EPHA6: variants seen among roughly 807,000 people sequenced by gnomAD.
The protein encoded by EPHA6 is ephrin type-A receptor 6.
Under a neutral mutation model 112.0 loss-of-function variants are expected in EPHA6, and 50 were observed. The observed-to-expected ratio is 0.45, with a 90% confidence interval of 0.36 to 0.56. The LOEUF is 0.56. Ranked by LOEUF, EPHA6 falls within the 20% of genes least tolerant of loss-of-function variation. EPHA6 has a pLI of 0.00. For missense variants in EPHA6, 1,280 were observed against 1,417.4 expected (o/e 0.90, Z 1.56); for synonymous variants, 529 against 490.7 (o/e 1.08, Z -1.03).
chr3:97,117,767 G>C (rs948618213), intron 3 of EPHA6, among the ~76,000 whole-genome samples: 1 of 151,760 alleles, frequency 6.6e-6, no homozygotes, highest in Non-Finnish European at 1.5e-5. Context: ...GCAAGCAACT[G>C]TGCATCTAAA....
intron 3 of EPHA6, among the ~76,000 whole-genome samples, chr3:97,074,466 A>G (rs1219494736): frequency 6.6e-6 from 1 of 151,940 alleles, no homozygotes; most frequent in Non-Finnish European, 1.5e-5. Context: ...TAATCTGTTC[A>G]TTTTAAAATG....
chr3:97,693,396 T>C (rs1303832393), intron 14 of EPHA6, among the ~76,000 whole-genome samples: 1 of 152,258 alleles, frequency 6.6e-6, no homozygotes, highest in Non-Finnish European at 1.5e-5. Context: ...TCATATTTAG[T>C]CTTCTTCTGA....
At chr3:97,506,680 C>T (rs1378019600) in intron 10 of EPHA6, among the ~76,000 whole-genome samples, 1 of 150,082 alleles carries the variant, frequency 6.7e-6, no homozygotes. Context: ...TTTTTAATTC[C>T]ACGTAGTTGT....
chr3:97,169,131 G>A (rs879847613), intron 3 of EPHA6, among the ~76,000 whole-genome samples: 11 of 152,120 alleles, frequency 7.2e-5, no homozygotes, highest in South Asian at 2.1e-4. Flanking sequence ...TTCCTTCAGC[G>A]TTGAAAGAGG....
At chr3:97,679,445 G>A (rs974692252) in intron 14 of EPHA6, among the ~76,000 whole-genome samples, 2 of 152,100 alleles carry the variant, frequency 1.3e-5, no homozygotes, top group Non-Finnish European at 2.9e-5. Flanking sequence ...AGTACATTCT[G>A]TGGTACTGCT....
chr3:97,463,766 T>C (rs1444890184), intron 7 of EPHA6, among the ~76,000 whole-genome samples: 1 of 152,186 alleles, frequency 6.6e-6, no homozygotes, highest in African/African-American at 2.4e-5. Flanking sequence ...ATTCATTCCA[T>C]GCACACAGAC....
chr3:97,147,779 G>C (rs2076078830), intron 3 of EPHA6, among the ~76,000 whole-genome samples: 1 of 151,976 alleles, frequency 6.6e-6, no homozygotes, highest in Non-Finnish European at 1.5e-5. Flanking sequence ...AAAAATCAAG[G>C]AAAGACAGTA....
intron 4 of EPHA6, among the ~76,000 whole-genome samples, chr3:97,235,380 G>C (rs1361083740): frequency 6.6e-6 from 1 of 152,022 alleles, no homozygotes; most frequent in African/African-American, 2.4e-5. Flanking sequence ...TCTGTGTCCT[G>C]ATGAATCATC....
At chr3:97,643,769 A>T (rs2094031715) in intron 14 of EPHA6, among the ~76,000 whole-genome samples, 1 of 151,556 alleles carries the variant, frequency 6.6e-6, no homozygotes, top group Non-Finnish European at 1.5e-5. Flanking sequence ...CCAATACAGG[A>T]GCACCCAGAT....
chr3:97,113,112 C>A (rs1309303863), intron 3 of EPHA6, among the ~76,000 whole-genome samples: 1 of 152,114 alleles, frequency 6.6e-6, no homozygotes, highest in Non-Finnish European at 1.5e-5. Context: ...TCAGGCTCAA[C>A]CTTGTCCTGT....
intron 11 of EPHA6, among the ~76,000 whole-genome samples, chr3:97,551,882 G>C (rs189611956): frequency 6.6e-6 from 1 of 152,206 alleles, no homozygotes; most frequent in East Asian, 1.9e-4. Flanking sequence ...CTTGAGCAAA[G>C]AAAAAGGCTG....
At chr3:97,506,871 G>A (rs923375517) in intron 10 of EPHA6, among the ~76,000 whole-genome samples, 2 of 152,120 alleles carry the variant, frequency 1.3e-5, no homozygotes, top group African/African-American at 4.8e-5. Flanking sequence ...AGTTCTCCTT[G>A]AAGAAGTCCT....
intron 3 of EPHA6, among the ~76,000 whole-genome samples, chr3:97,029,431 G>A (rs1251386861): frequency 6.6e-6 from 1 of 151,766 alleles, no homozygotes; most frequent in African/African-American, 2.4e-5. Context: ...GTTTATGTAA[G>A]AGAAATACTA....
intron 1 of EPHA6, among the ~76,000 whole-genome samples, chr3:96,822,986 G>A (rs1355407915): frequency 6.6e-6 from 1 of 151,464 alleles, no homozygotes; most frequent in Admixed American, 6.6e-5. Context: ...AAAGATAAAT[G>A]TTGTGTACTA....
At chr3:97,460,546 T>A (rs549725206) in intron 7 of EPHA6, among the ~76,000 whole-genome samples, 1 of 152,278 alleles carries the variant, frequency 6.6e-6, no homozygotes, top group East Asian at 1.9e-4. Flanking sequence ...AGATGTGGTG[T>A]GTTGCCTAGA....
intron 3 of EPHA6, among the ~76,000 whole-genome samples, chr3:97,086,934 C>T (rs77957369): frequency 0.013 from 2,046 of 152,180 alleles, 44 homozygotes; most frequent in African/African-American, 0.044. Context: ...ATGCAATTAT[C>T]AGTGAACGAA....
chr3:97,529,699 T>C (rs1488327080), intron 10 of EPHA6, among the ~76,000 whole-genome samples: 1 of 152,098 alleles, frequency 6.6e-6, no homozygotes, highest in Non-Finnish European at 1.5e-5. Context: ...ACAGTTTTAA[T>C]ACATTCTGTT....
intron 6 of EPHA6, among the ~76,000 whole-genome samples, chr3:97,408,357 C>T (rs2087498885): frequency 6.6e-6 from 1 of 151,956 alleles, no homozygotes; most frequent in African/African-American, 2.4e-5. Flanking sequence ...CCCTTCTGTC[C>T]TTACCCTTTG....
chr3:96,958,202 A>G (rs1165665932), intron 2 of EPHA6, among the ~76,000 whole-genome samples: 1 of 151,980 alleles, frequency 6.6e-6, no homozygotes, highest in African/African-American at 2.4e-5. Flanking sequence ...AGGCAGTAGA[A>G]TCACTTGAAC....
Sources: gnomAD v4.1 joint callset for allele counts (sites outside exome capture counted in the v4.1 genomes callset) on GRCh38, gnomAD v4.1.1 for gene constraint, MANE v1.5 for transcripts, NCBI Gene and HGNC (gene_info 2026-07-23, HGNC 2026-07-21) for gene names.